PRKCB: variants seen among roughly 807,000 people sequenced by gnomAD.
PRKCB encodes protein kinase C beta type.
A neutral mutation model predicts 81.5 loss-of-function variants in PRKCB; 13 were observed. The observed-to-expected ratio is 0.16, with a 90% CI of 0.10 to 0.25. The LOEUF (loss-of-function observed/expected upper bound fraction) is 0.25. Ranked by LOEUF, PRKCB falls within the 10% of genes least tolerant of loss-of-function variation. The pLI is 1.00. For synonymous variants in PRKCB, 335 were observed against 321.4 expected, an observed-to-expected ratio of 1.04 and a Z score of -0.45; for missense variants, 509 against 875.7, an observed-to-expected ratio of 0.58 and a Z score of 5.29.
chr16:24,180,639 C>A lies in PRKCB; in HGVS notation c.1395-151C>A, dbSNP rs1967603966. On this transcript the variant is annotated intron_variant, in intron 12 of 16. Transcript: ENST00000643927. ...GACCTCTTTTTATCTCCCTGCCAGA[C>A]TGTAAGCTGTTGGAGGTCAAAGGCT... The A allele has an allele frequency of 3.5e-6, 3 of 865,292 alleles. No individual in the cohort carries two copies. In the South Asian group the frequency reaches 5.3e-5, roughly 15 times the overall value. 53.6% of individuals were successfully genotyped at this position (865,292 alleles called of 1,614,324 possible). A position where few individuals can be genotyped will look rare whatever the true frequency, so the allele number is the denominator to read the frequency against.
intron 2 of PRKCB, among the ~76,000 whole-genome samples, chr16:23,946,210 A>T (rs757067685): frequency 6.6e-6 from 1 of 152,222 alleles, no homozygotes; most frequent in Non-Finnish European, 1.5e-5. Flanking sequence ...GAAGAGTTAC[A>T]TAAGCCACCT....
chr16:24,167,632 A>G (rs1343622298), intron 10 of PRKCB, among the ~76,000 whole-genome samples: 1 of 151,990 alleles, frequency 6.6e-6, no homozygotes, highest in African/African-American at 2.4e-5. Flanking sequence ...TTGATGTACC[A>G]CTAAATCTCC....
At chr16:23,889,409 T>C (rs75969363) in intron 2 of PRKCB, among the ~76,000 whole-genome samples, 27 of 152,372 alleles carry the variant, frequency 1.8e-4, no homozygotes, top group African/African-American at 6.5e-4. Flanking sequence ...GTGCTTTCAG[T>C]AGTGCCTGGG....
intron 2 of PRKCB, among the ~76,000 whole-genome samples, chr16:23,941,062 G>A (rs937809225): frequency 3.3e-5 from 5 of 152,162 alleles, no homozygotes; most frequent in African/African-American, 1.2e-4. Flanking sequence ...AAGATAGACT[G>A]CCTAGATTAG....
intron 5 of PRKCB, among the ~76,000 whole-genome samples, chr16:24,082,263 G>A (rs1002057190): frequency 1.3e-5 from 2 of 152,160 alleles, no homozygotes; most frequent in African/African-American, 4.8e-5. Flanking sequence ...GAAAGACTCA[G>A]CAGAGTGAAG....
intron 12 of PRKCB, among the ~76,000 whole-genome samples, chr16:24,176,925 G>GCCATATGATATGATCCC (rs1418200942): frequency 6.0e-5 from 9 of 149,978 alleles, no homozygotes; most frequent in African/African-American, 2.2e-4. Context: ...CACATGATCC[G>GCCATATGATATGATCCC]CCATATGACA....
intron 3 of PRKCB, among the ~76,000 whole-genome samples, chr16:24,017,897 T>TC (rs1965302333): frequency 6.9e-6 from 1 of 144,074 alleles, no homozygotes; most frequent in Non-Finnish European, 1.5e-5. Flanking sequence ...AACTAATTTT[T>TC]TTTTTTTTTT....
intron 2 of PRKCB, among the ~76,000 whole-genome samples, chr16:23,863,736 C>G (rs987112399): frequency 6.6e-6 from 1 of 152,136 alleles, no homozygotes; most frequent in Admixed American, 6.5e-5. Context: ...ATCAGGGTTC[C>G]TGGACTGGCT....
Position 23,899,285 on chromosome 16 carries a change from A to G in PRKCB, c.205+61879A>G, listed in dbSNP as rs1343647004. Among the ~76,000 whole-genome samples, 5 of 152,234 alleles carry G rather than the reference A, an allele frequency of 3.3e-5. No homozygotes were observed. In the South Asian group the frequency reaches 8.3e-4, roughly 25 times the overall value. On this transcript the variant is annotated intron_variant, in intron 2 of 16. Transcript: ENST00000643927. ...CATTTGCAACATTGGTTGGCATCAC[A>G]GAGAGCATGGAAGGTCAAGGTAATA...
chr16:23,964,287 G>C (rs79661076), intron 2 of PRKCB, among the ~76,000 whole-genome samples: 4,173 of 152,322 alleles, frequency 0.027, 107 homozygotes, highest in Middle Eastern at 0.051. Context: ...TCAGTCCGCT[G>C]TGGCTTGTGG....
At chr16:23,845,893 G>A (rs1962359229) in intron 2 of PRKCB, among the ~76,000 whole-genome samples, 1 of 152,184 alleles carries the variant, frequency 6.6e-6, no homozygotes, top group Non-Finnish European at 1.5e-5. Flanking sequence ...CAGAGGTGGA[G>A]GAGCAAGTCT....
At chr16:24,050,988 T>C (rs567546584) in intron 5 of PRKCB, among the ~76,000 whole-genome samples, 71 of 152,218 alleles carry the variant, frequency 4.7e-4, no homozygotes, top group Non-Finnish European at 7.2e-4. Flanking sequence ...TTTCATCTTG[T>C]AGGGTTTGGC....
chr16:23,849,841 C>T (rs1489926134), intron 2 of PRKCB, among the ~76,000 whole-genome samples: 1 of 152,158 alleles, frequency 6.6e-6, no homozygotes, highest in Non-Finnish European at 1.5e-5. Flanking sequence ...TATGGTGAGA[C>T]ATTTGAAATT....
At chr16:24,068,526 A>C (rs2141882818) in intron 5 of PRKCB, among the ~76,000 whole-genome samples, 1 of 151,322 alleles carries the variant, frequency 6.6e-6, no homozygotes, top group African/African-American at 2.4e-5. Flanking sequence ...TCTTAATTCT[A>C]ATTCCTTCAA....
At chr16:24,157,921 T>A (rs181684433) in intron 10 of PRKCB, among the ~76,000 whole-genome samples, 16 of 152,196 alleles carry the variant, frequency 1.1e-4, no homozygotes, top group Middle Eastern at 3.4e-3. Context: ...GTCTCAGGTA[T>A]GTCTAATGGA....
intron 2 of PRKCB, among the ~76,000 whole-genome samples, chr16:23,874,688 A>C (rs558528881): frequency 1.3e-5 from 2 of 151,980 alleles, no homozygotes; most frequent in African/African-American, 2.4e-5. Flanking sequence ...ACCAACTTGC[A>C]GGCCAAACAA....
intron 2 of PRKCB, among the ~76,000 whole-genome samples, chr16:23,841,648 C>CCTTT: frequency 1.4e-5 from 1 of 69,438 alleles, no homozygotes; most frequent in Non-Finnish European, 2.8e-5. Context: ...TCACCACGGC[C>CCTTT]CTTTTTTTTT....
Position 23,970,193 on chromosome 16 carries a change from C to T in PRKCB, c.206-18315C>T, listed in dbSNP as rs147594062. 1.4e-3 allele frequency among the ~76,000 whole-genome samples: 209 copies of T among 152,250 alleles called. 1 individual carries two copies. Among genetic ancestry groups the T allele is most frequent in the African/African-American group, 4.7e-3 (197 of 41,560 alleles). On this transcript the variant is annotated intron_variant, in intron 2 of 16. Coordinates refer to ENST00000643927, the MANE Select transcript of PRKCB (RefSeq NM_002738.7). ...GGCAGCTTGTGTGTTTGTATTTGGA[C>T]CTTGCTGGATTTCTTGGGAAATCAG...
intron 5 of PRKCB, among the ~76,000 whole-genome samples, chr16:24,089,097 A>T (rs1171521131): frequency 6.6e-6 from 1 of 152,236 alleles, no homozygotes; most frequent in Non-Finnish European, 1.5e-5. Context: ...TGGAAGGCTC[A>T]AGAAATGAAA....
Sources: allele counts gnomAD v4.1 joint callset (sites outside exome capture counted in the v4.1 genomes callset), GRCh38; gene constraint gnomAD v4.1.1; transcripts MANE v1.5; gene names NCBI Gene and HGNC (gene_info 2026-07-23, HGNC 2026-07-21).